The following ANK2 variants were observed in gnomAD, a reference collection of about 807,000 sequenced individuals.
ANK2 encodes the protein ankyrin 2.
In ANK2, 83 loss-of-function variants were observed where a neutral mutation model predicts 360.5. The observed-to-expected ratio is 0.23, with a 90% CI of 0.19 to 0.28. The LOEUF (loss-of-function observed/expected upper bound fraction) is 0.28. Ranked by LOEUF, ANK2 falls within the 10% of genes least tolerant of loss-of-function variation. The pLI is 1.00. For synonymous variants in ANK2, 1,740 were observed against 1,759.5 expected, an observed-to-expected ratio of 0.99 and a Z score of 0.28; for missense variants, 4,201 against 4,795.7, an observed-to-expected ratio of 0.88 and a Z score of 3.66.
intron 1 of ANK2, among the ~76,000 whole-genome samples, chr4:113,060,436 G>C (rs2072625680): frequency 6.6e-6 from 1 of 152,060 alleles, no homozygotes; most frequent in Non-Finnish European, 1.5e-5. Flanking sequence ...AGATGACACT[G>C]ATGTCCAGAT....
chr4:112,934,640 G>T (rs1488783716), intron 2 of ANK2, among the ~76,000 whole-genome samples: 1 of 152,148 alleles, frequency 6.6e-6, no homozygotes, highest in Non-Finnish European at 1.5e-5. Flanking sequence ...TTACAGGATA[G>T]AATTAATTTA....
At chr4:112,959,321 A>AT (rs529842467) in intron 2 of ANK2, among the ~76,000 whole-genome samples, 18 of 152,124 alleles carry the variant, frequency 1.2e-4, no homozygotes, top group Admixed American at 1.3e-4. Context: ...AATGAAGCAG[A>AT]TTTTTTTTGA....
chr4:113,258,627 A>G (rs1010254322), intron 13 of ANK2, among the ~76,000 whole-genome samples: 2 of 152,246 alleles, frequency 1.3e-5, no homozygotes, highest in African/African-American at 2.4e-5. Flanking sequence ...AATGGAAGCT[A>G]TGAAGTGAGA....
At position 113,354,122 on chromosome 4, in the gene ANK2, C is replaced by T. The variant is rs771387989; in HGVS notation, c.5504C>T (p.Ser1835Phe). The change falls in exon 38 of 46, where the codon TCT becomes TTT. Residue 1835 changes from serine (S) to phenylalanine (F), a missense_variant. Physicochemically the swap from Ser to Phe is radical, Grantham distance 155 (BLOSUM62 -2). Around this residue, in one of 4 missense-constraint regions of ANK2, gnomAD observed 2,642 missense variants for 2,714.5 expected, o/e 0.97. Coordinates refer to ENST00000357077, the MANE Select transcript of ANK2 (RefSeq NM_001148.6). ...PKTERHSTLS[S>F]SAKTERHPPV... The stretch of plus-strand genomic sequence containing the variant: ...ACAGAAAGACACTCTACTCTTTCCT[C>T]TTCCGCAAAAACTGAAAGGCACCCT... 1.9e-6 allele frequency: 3 copies of T among 1,614,134 alleles called. No individual in the cohort carries two copies. The highest frequency in any genetic ancestry group is 1.7e-5 in the Admixed American group (1 of 60,014).
At chr4:113,329,435 T>C (rs2091640851) in intron 26 of ANK2, among the ~76,000 whole-genome samples, 1 of 152,220 alleles carries the variant, frequency 6.6e-6, no homozygotes, top group Non-Finnish European at 1.5e-5. Context: ...GCTGTTAACA[T>C]TTCTAAATTA....
chr4:112,981,400 C>T (rs1031247901), intron 2 of ANK2, among the ~76,000 whole-genome samples: 3 of 151,994 alleles, frequency 2.0e-5, no homozygotes, highest in Non-Finnish European at 2.9e-5. Flanking sequence ...AGGAGAGAAG[C>T]GGATTGAGAA....
In ANK2 at chr4:113,136,877, C is replaced by T. The variant is rs149659377; in HGVS notation, c.85-37539C>T. ...GTTCAAGTGGATTCTCCTGCCTCAG[C>T]CTCTTGAGTAGCTGGAATTACAGGT... On this transcript the variant is annotated intron_variant, in intron 1 of 45. Transcript: ENST00000357077. Among the ~76,000 whole-genome samples the T allele has an allele frequency of 1.6e-4, 24 of 151,990 alleles. No homozygotes were observed. In the East Asian group the frequency reaches 4.7e-3, roughly 30 times the overall value.
At chr4:112,742,239 C>A in the ANK2 span, among the ~76,000 whole-genome samples, 1 of 152,066 alleles carries the variant, frequency 6.6e-6, no homozygotes, top group Admixed American at 6.6e-5. Flanking sequence ...TGCACTCCAG[C>A]CTGGGCGACA....
At chr4:112,880,745 C>G (rs1434085611) in intron 1 of ANK2, 1 of 152,200 alleles carries the variant, frequency 6.6e-6, no homozygotes, top group East Asian at 1.9e-4. Flanking sequence ...TCCTTTTCTT[C>G]TTTTCTCTGT....
rs113204912 is a variant in ANK2, at chr4:113,319,958, G to T, written c.2900+1338G>T. ...AAAGTTCATATGCAGCCTACAAAGT[G>T]ATGAGATGGTTTTAGGTAAAATGTA... On this transcript the variant is annotated intron_variant, in intron 26 of 45. Coordinates refer to ENST00000357077, the MANE Select transcript of ANK2 (RefSeq NM_001148.6). Among the ~76,000 whole-genome samples, 177 of 152,300 alleles carry T rather than the reference G, an allele frequency of 1.2e-3. 1 individual carries two copies. Among genetic ancestry groups the T allele is most frequent in the African/African-American group, 4.0e-3 (167 of 41,554 alleles).
the ANK2 span, among the ~76,000 whole-genome samples, chr4:112,807,710 T>C: frequency 1.3e-5 from 2 of 152,242 alleles, no homozygotes; most frequent in Non-Finnish European, 2.9e-5. Flanking sequence ...TTTTCTTTCA[T>C]AGGTCTCCTA....
chr4:113,302,632 T>G, intron 22 of ANK2, 135 bp from the exon 23 acceptor site: 1 of 706,872 alleles, frequency 1.4e-6, no homozygotes, highest in Non-Finnish European at 2.5e-6. Flanking sequence ...TTCCAAAATA[T>G]ACACGCGGGA....
chr4:112,883,193 T>C (rs1489481211), intron 1 of ANK2, among the ~76,000 whole-genome samples: 3 of 151,718 alleles, frequency 2.0e-5, no homozygotes, highest in Non-Finnish European at 4.4e-5. Context: ...CACCCACCAC[T>C]ACACCTGTCT....
At chr4:112,900,029 TG>T (rs1393023069) in intron 1 of ANK2, among the ~76,000 whole-genome samples, 1 of 152,168 alleles carries the variant, frequency 6.6e-6, no homozygotes, top group Non-Finnish European at 1.5e-5. Context: ...AAGTCTTCTG[TG>T]GAAATTTTCA....
the ANK2 span, among the ~76,000 whole-genome samples, chr4:112,731,687 C>T: frequency 5.9e-5 from 9 of 151,764 alleles, no homozygotes; most frequent in Admixed American, 2.0e-4. Flanking sequence ...GAGCCATGAT[C>T]GTGCCCCTGC....
At chr4:113,052,933 T>C (rs1450179989) in intron 1 of ANK2, among the ~76,000 whole-genome samples, 1 of 152,166 alleles carries the variant, frequency 6.6e-6, no homozygotes, top group Non-Finnish European at 1.5e-5. Context: ...TCCCAGTAAG[T>C]CTTATCTACA....
intron 41 of ANK2, 48 bp downstream of exon 41, chr4:113,365,230 T>C: frequency 1.3e-6 from 2 of 1,572,832 alleles, no homozygotes; most frequent in East Asian, 4.6e-5. Flanking sequence ...TGTGTGTGTG[T>C]GTTGTGTCTG....
the ANK2 span, among the ~76,000 whole-genome samples, chr4:112,726,492 C>G: frequency 6.6e-6 from 1 of 151,850 alleles, no homozygotes; most frequent in Non-Finnish European, 1.5e-5. Flanking sequence ...TTCTTCCCAC[C>G]CCCACCTTGC....
At position 113,356,734 on chromosome 4, in the gene ANK2, G is replaced by C. The variant is rs142652341; in HGVS notation, c.8116G>C (p.Glu2706Gln). ...AAGCATGGACTCCAATTCCAGTCCA[G>C]AAGAAGTACAATTCCAGCCTGTCGT... ...PSSMDSNSSPEEVQFQPVVSK... is the reference protein window; with the variant it reads ...PSSMDSNSSPQEVQFQPVVSK... The change falls in exon 38 of 46, where the codon GAA becomes CAA. Residue 2706 changes from glutamate (E) to glutamine (Q), a missense_variant. Around this residue, in one of 4 missense-constraint regions of ANK2, gnomAD observed 2,642 missense variants for 2,714.5 expected, o/e 0.97. Coordinates refer to ENST00000357077, the MANE Select transcript of ANK2 (RefSeq NM_001148.6). 47 of 1,613,952 alleles carry C rather than the reference G, an allele frequency of 2.9e-5. No homozygotes were observed. In the African/African-American group the frequency reaches 4.3e-4, roughly 15 times the overall value.
Sources: allele counts gnomAD v4.1 joint callset (sites outside exome capture counted in the v4.1 genomes callset), GRCh38; gene constraint gnomAD v4.1.1; regional missense constraint gnomAD v4.1.1; transcripts MANE v1.5; gene names NCBI Gene and HGNC (gene_info 2026-07-23, HGNC 2026-07-21).